Variants in ZBTB16 observed in about 807,000 individuals in gnomAD.
ZBTB16 encodes the protein zinc finger and BTB domain-containing protein 16.
ZBTB16 carries 8 observed loss-of-function variants against 56.8 expected under a neutral mutation model. The ratio of observed to expected loss-of-function variants is 0.14; its 90% CI spans 0.08 to 0.25. The LOEUF is 0.25. Ranked by LOEUF, ZBTB16 falls within the 10% of genes least tolerant of loss-of-function variation. ZBTB16 has a pLI of 1.00. For synonymous variants in ZBTB16, 363 were observed against 368.5 expected, an observed-to-expected ratio of 0.98 and a Z score of 0.17; for missense variants, 625 against 903.0, an observed-to-expected ratio of 0.69 and a Z score of 3.95.
intron 4 of ZBTB16, among the ~76,000 whole-genome samples, chr11:114,235,689 TC>T (rs1438389267): frequency 2.7e-4 from 6 of 22,474 alleles, no homozygotes; most frequent in South Asian, 1.6e-3. Flanking sequence ...TTTCTTTCTT[TC>T]TTTTCTTTCT....
At chr11:114,139,070 G>A (rs755840314) in intron 2 of ZBTB16, among the ~76,000 whole-genome samples, 6 of 152,144 alleles carry the variant, frequency 3.9e-5, no homozygotes, top group Non-Finnish European at 7.3e-5. Flanking sequence ...TAAAAAAAGA[G>A]GTAAGAGATG....
At chr11:114,123,744 G>A (rs1310861189) in intron 2 of ZBTB16, among the ~76,000 whole-genome samples, 1 of 152,158 alleles carries the variant, frequency 6.6e-6, no homozygotes, top group East Asian at 1.9e-4. Context: ...CAGTCTCTTA[G>A]CTCTATGTTC....
intron 4 of ZBTB16, among the ~76,000 whole-genome samples, chr11:114,214,419 AC>A (rs1565689993): frequency 6.6e-6 from 1 of 152,180 alleles, no homozygotes; most frequent in African/African-American, 2.4e-5. Flanking sequence ...TAATGGCATT[AC>A]CTTTTATGGC....
intron 2 of ZBTB16, among the ~76,000 whole-genome samples, chr11:114,118,780 A>G (rs1462182402): frequency 1.3e-5 from 2 of 152,130 alleles, no homozygotes; most frequent in African/African-American, 4.8e-5. Flanking sequence ...AGGGGTTATG[A>G]AGAGACAAAT....
At chr11:114,105,542 A>T (rs929747380) in intron 2 of ZBTB16, among the ~76,000 whole-genome samples, 1 of 152,200 alleles carries the variant, frequency 6.6e-6, no homozygotes, top group Non-Finnish European at 1.5e-5. Flanking sequence ...GCCCGACCCA[A>T]TTCTCTTGAG....
intron 6 of ZBTB16, among the ~76,000 whole-genome samples, chr11:114,248,914 C>G (rs1944864546): frequency 6.6e-6 from 1 of 152,088 alleles, no homozygotes; most frequent in African/African-American, 2.4e-5. Flanking sequence ...CTGTTCATTA[C>G]TTCATTATTT....
chr11:114,124,043 T>A (rs1406452298), intron 2 of ZBTB16, among the ~76,000 whole-genome samples: 2 of 151,372 alleles, frequency 1.3e-5, no homozygotes, highest in Non-Finnish European at 2.9e-5. Context: ...TTTCAGCAGA[T>A]GTATTCTGCT....
intron 4 of ZBTB16, among the ~76,000 whole-genome samples, chr11:114,195,269 A>G (rs655121): frequency 0.61 from 91,573 of 151,272 alleles, 28,488 homozygotes; most frequent in African/African-American, 0.75. Context: ...AGGTCTGAGC[A>G]AAGAGGCCAT....
intron 3 of ZBTB16, among the ~76,000 whole-genome samples, chr11:114,167,018 G>A (rs1341876707): frequency 1.3e-5 from 2 of 152,032 alleles, no homozygotes; most frequent in Non-Finnish European, 2.9e-5. Context: ...GGAAGGGAGG[G>A]AAAAAATAAC....
chr11:114,094,044 G>A (rs1438446275), intron 2 of ZBTB16, among the ~76,000 whole-genome samples: 1 of 152,174 alleles, frequency 6.6e-6, no homozygotes, highest in Non-Finnish European at 1.5e-5. Flanking sequence ...GGCCAGGCGC[G>A]GTGGCTCACG....
intron 4 of ZBTB16, among the ~76,000 whole-genome samples, chr11:114,211,973 G>A (rs1230921981): frequency 2.0e-5 from 3 of 152,180 alleles, no homozygotes; most frequent in Non-Finnish European, 2.9e-5. Context: ...AGGGGGACTC[G>A]CCCTCCTGGC....
At chr11:114,128,333 C>G (rs1941569661) in intron 2 of ZBTB16, among the ~76,000 whole-genome samples, 1 of 152,172 alleles carries the variant, frequency 6.6e-6, no homozygotes, top group Non-Finnish European at 1.5e-5. Context: ...GGGAGCACCT[C>G]CCGGATACGA....
intron 2 of ZBTB16, among the ~76,000 whole-genome samples, chr11:114,097,378 A>T (rs954359931): frequency 2.0e-5 from 3 of 152,178 alleles, no homozygotes; most frequent in African/African-American, 7.2e-5. Context: ...CTGTGGCTGG[A>T]TGGTAGTAAT....
chr11:114,165,587 G>A (rs917566780), intron 3 of ZBTB16, among the ~76,000 whole-genome samples: 1 of 152,196 alleles, frequency 6.6e-6, no homozygotes, highest in Non-Finnish European at 1.5e-5. Context: ...ATCTGGGTTT[G>A]GTGGGGCCTG....
chr11:114,212,694 T>C (rs888392204), intron 4 of ZBTB16, among the ~76,000 whole-genome samples: 9 of 152,188 alleles, frequency 5.9e-5, no homozygotes, highest in African/African-American at 1.9e-4. Context: ...AAGATAAATG[T>C]AATGATACCT....
chr11:114,060,819 C>T lies in ZBTB16; in HGVS notation c.-91+937C>T, dbSNP rs1486740988. ...GCGCGCTGGCCGCTGGCGCCGCTGG[C>T]CAGAGGCCTGGGACCCAGCCGGTCG... On this transcript the variant is annotated intron_variant, in intron 1 of 6. Coordinates refer to ENST00000335953, the MANE Select transcript of ZBTB16 (RefSeq NM_006006.6). This position sits in a 1 kb window ranked among gnomAD's most constrained non-coding sequence, Gnocchi z 6.0. Among the ~76,000 whole-genome samples the T allele has an allele frequency of 1.3e-5, 2 of 152,184 alleles. No homozygotes were observed. The highest frequency in any genetic ancestry group is 3.9e-4 in the East Asian group (2 of 5,140).
intron 2 of ZBTB16, among the ~76,000 whole-genome samples, chr11:114,069,246 C>G (rs532485468): frequency 3.3e-5 from 5 of 152,186 alleles, no homozygotes; most frequent in Non-Finnish European, 7.3e-5. Flanking sequence ...CCACCACGCC[C>G]GGCTAATTTT....
intron 2 of ZBTB16, among the ~76,000 whole-genome samples, chr11:114,117,488 A>G (rs924884674): frequency 6.6e-6 from 1 of 151,542 alleles, no homozygotes; most frequent in Admixed American, 6.6e-5. Context: ...AAGGAGGTGG[A>G]GAGGGAAGGG....
In ZBTB16 at chr11:114,077,544, C is replaced by T. The variant is rs966806472; in HGVS notation, c.1268+12976C>T. 2.6e-5 allele frequency among the ~76,000 whole-genome samples: 4 copies of T among 152,064 alleles called. No individual in the cohort carries two copies. In the East Asian group the frequency reaches 7.7e-4, roughly 29 times the overall value. ...CACCTTCTCTTTCTCTCAATTAGTC[C>T]GACTCCTCCTCAGCCTGAACTAAGC... On this transcript the variant is annotated intron_variant, in intron 2 of 6. Coordinates refer to ENST00000335953, the MANE Select transcript of ZBTB16 (RefSeq NM_006006.6).
Sources: allele counts gnomAD v4.1 joint callset (sites outside exome capture counted in the v4.1 genomes callset), GRCh38; gene constraint gnomAD v4.1.1; non-coding constraint Gnocchi (gnomAD v3.1); transcripts MANE v1.5; gene names NCBI Gene and HGNC (gene_info 2026-07-23, HGNC 2026-07-21).